Variants in HFM1 observed in about 807,000 individuals in gnomAD.
HFM1 encodes helicase for meiosis 1, also known as probable ATP-dependent DNA helicase HFM1.
HFM1 carries 169 observed loss-of-function variants against 192.1 expected under a neutral mutation model. The observed-to-expected ratio is 0.88, with a 90% CI of 0.78 to 1.00. The LOEUF (loss-of-function observed/expected upper bound fraction) is 1.00, where lower values mean the gene tolerates loss of function less well. Ranked by LOEUF, HFM1 falls within the 50% of genes least tolerant of loss-of-function variation. HFM1 has a pLI of 0.00. For synonymous variants in HFM1, 525 were observed against 537.8 expected (o/e 0.98, Z 0.33); for missense variants, 1,661 against 1,668.0 (o/e 1.00, Z 0.07).
chr1:91,332,945 C>G (rs577268303), intron 20 of HFM1, among the ~76,000 whole-genome samples: 1 of 152,112 alleles, frequency 6.6e-6, no homozygotes, highest in Non-Finnish European at 1.5e-5. Context: ...AAATAACAGG[C>G]AATAATAAAT....
chr1:91,372,542 A>G (rs1571154738), intron 13 of HFM1, among the ~76,000 whole-genome samples: 1 of 152,138 alleles, frequency 6.6e-6, no homozygotes, highest in Non-Finnish European at 1.5e-5. Context: ...AACAATGAGA[A>G]CACATGGACA....
chr1:91,307,679 C>G (rs770749227), intron 30 of HFM1, among the ~76,000 whole-genome samples: 5 of 152,090 alleles, frequency 3.3e-5, no homozygotes, highest in Non-Finnish European at 5.9e-5. Context: ...GTCTTGAACT[C>G]CTGGGCTCAA....
Position 91,322,339 on chromosome 1 carries a change from A to G in HFM1, c.2582+611T>C, listed in dbSNP as rs1175406852. On this transcript the variant is annotated intron_variant, in intron 23 of 38. Coordinates refer to ENST00000370425, the MANE Select transcript of HFM1 (RefSeq NM_001017975.6). The stretch of plus-strand genomic sequence containing the variant: ...TAATTGGTTTTATTGAGCCACATTG[A>G]AAAAGATCATTTCACCTTAAATTAC... Among the ~76,000 whole-genome samples the G allele has an allele frequency of 2.0e-5, 3 of 152,226 alleles. No individual in the cohort carries two copies. In the East Asian group the frequency reaches 5.8e-4, roughly 29 times the overall value.
At chr1:91,320,532 T>C (rs1458211120) in intron 23 of HFM1, among the ~76,000 whole-genome samples, 3 of 152,184 alleles carry the variant, frequency 2.0e-5, no homozygotes, top group Non-Finnish European at 4.4e-5. Context: ...AGTAAGAAAT[T>C]GCTGGAGTAA....
intron 30 of HFM1, among the ~76,000 whole-genome samples, chr1:91,300,883 G>T (rs1378497947): frequency 6.6e-6 from 1 of 152,128 alleles, no homozygotes; most frequent in Non-Finnish European, 1.5e-5. Flanking sequence ...ACAAGACAAG[G>T]ATGCCCTCTC....
intron 30 of HFM1, among the ~76,000 whole-genome samples, chr1:91,311,217 C>T (rs1288282980): frequency 6.6e-6 from 1 of 152,096 alleles, no homozygotes; most frequent in Non-Finnish European, 1.5e-5. Flanking sequence ...TTGCCCCTGC[C>T]CAAGAGATTT....
intron 4 of HFM1, 31 bp downstream of exon 4, chr1:91,394,062 G>A: frequency 1.4e-5 from 16 of 1,184,230 alleles, no homozygotes; most frequent in Non-Finnish European, 1.9e-5. Flanking sequence ...TTTATTCACA[G>A]AATATTATTT....
chr1:91,298,425 A>C (rs1486419629), intron 30 of HFM1, among the ~76,000 whole-genome samples: 1 of 152,200 alleles, frequency 6.6e-6, no homozygotes, highest in Non-Finnish European at 1.5e-5. Context: ...CAAATTCAGG[A>C]AATACAAAGA....
At chr1:91,377,203 G>A in intron 11 of HFM1, among the ~76,000 whole-genome samples, 1 of 151,720 alleles carries the variant, frequency 6.6e-6, no homozygotes, top group East Asian at 1.9e-4. Flanking sequence ...TAGTTTTGTT[G>A]TTGTAATAAA....
At chr1:91,283,079 C>A (rs1667610358) in intron 30 of HFM1, among the ~76,000 whole-genome samples, 1 of 152,114 alleles carries the variant, frequency 6.6e-6, no homozygotes, top group Non-Finnish European at 1.5e-5. Flanking sequence ...CTGACGAAAT[C>A]TTTTTGCTGT....
At chr1:91,395,574 T>G (rs942489995) in intron 3 of HFM1, among the ~76,000 whole-genome samples, 3 of 152,006 alleles carry the variant, frequency 2.0e-5, no homozygotes, top group African/African-American at 7.3e-5. Context: ...ATTCACAGAC[T>G]CCCAAGTAGC....
chr1:91,314,149 C>G, intron 28 of HFM1, 89 bp from the exon 29 acceptor site: 1 of 766,960 alleles, frequency 1.3e-6, no homozygotes, highest in South Asian at 2.1e-5. Context: ...AAGAAAGATA[C>G]TCTCTAGTAG....
chr1:91,288,784 C>G (rs971103734), intron 30 of HFM1, among the ~76,000 whole-genome samples: 7 of 152,210 alleles, frequency 4.6e-5, no homozygotes, highest in Non-Finnish European at 1.0e-4. Context: ...TCTTTCTACA[C>G]AGACACAGTA....
intron 36 of HFM1, 93 bp downstream of exon 36, chr1:91,265,924 T>A: frequency 6.6e-7 from 1 of 1,521,908 alleles, no homozygotes; most frequent in Non-Finnish European, 8.8e-7. Context: ...CCTTTTAGCA[T>A]CTGTGACATC....
rs1012605664 is a variant in HFM1, at chr1:91,345,393, A to G, written c.2255-1883T>C. Reference sequence around the variant, plus strand: ...AATAAAAGAGACAGAAAGTGATAAGAGATGTAGTTAGAGAAATAGGCAGGG... The same window carrying G: ...AATAAAAGAGACAGAAAGTGATAAGGGATGTAGTTAGAGAAATAGGCAGGG... On this transcript the variant is annotated intron_variant, in intron 19 of 38. Coordinates refer to ENST00000370425, the MANE Select transcript of HFM1 (RefSeq NM_001017975.6). Among the ~76,000 whole-genome samples the G allele has an allele frequency of 2.6e-5, 4 of 152,260 alleles. No homozygotes were observed. In the East Asian group the frequency reaches 5.8e-4, roughly 22 times the overall value.
At chr1:91,390,511 A>C (rs1662831766) in intron 4 of HFM1, among the ~76,000 whole-genome samples, 1 of 152,070 alleles carries the variant, frequency 6.6e-6, no homozygotes, top group Admixed American at 6.6e-5. Flanking sequence ...TGAAAGACTG[A>C]TACATAACAC....
intron 30 of HFM1, among the ~76,000 whole-genome samples, chr1:91,310,818 C>T (rs1416070970): frequency 6.6e-6 from 1 of 152,182 alleles, no homozygotes; most frequent in Non-Finnish European, 1.5e-5. Flanking sequence ...GCCTCCCCAG[C>T]CATGTGAAAC....
intron 36 of HFM1, among the ~76,000 whole-genome samples, chr1:91,264,227 G>A (rs972776311): frequency 9.2e-5 from 14 of 152,058 alleles, no homozygotes; most frequent in Non-Finnish European, 2.9e-5. Flanking sequence ...GATCCAGTGA[G>A]AGGGAGACTA....
intron 5 of HFM1, 104 bp from the exon 6 acceptor site, chr1:91,385,338 T>C: frequency 1.2e-6 from 1 of 807,106 alleles, no homozygotes; most frequent in Non-Finnish European, 2.0e-6. Flanking sequence ...AAAAACTGTT[T>C]CAATAAAACT....
Sources: allele counts gnomAD v4.1 joint callset (sites outside exome capture counted in the v4.1 genomes callset), GRCh38; gene constraint gnomAD v4.1.1; transcripts MANE v1.5; gene names NCBI Gene and HGNC (gene_info 2026-07-23, HGNC 2026-07-21).